Variants in ELMO1 observed in about 807,000 individuals in gnomAD.
ELMO1 encodes the protein engulfment and cell motility 1.
In ELMO1, 26 loss-of-function variants were observed where a neutral mutation model predicts 98.9. The observed-to-expected ratio is 0.26, with a 90% CI of 0.19 to 0.36. The LOEUF (loss-of-function observed/expected upper bound fraction) is 0.36. ELMO1 is among the 10% of genes least tolerant of loss of function. The pLI is 1.00. For synonymous variants in ELMO1, 346 were observed against 346.0 expected (o/e 1.00, Z 0.00); for missense variants, 627 against 935.2 (o/e 0.67, Z 4.30).
rs550678960 is a variant in ELMO1 at position 36,853,440 on chromosome 7, A to G, written c.*2111T>C. Among the ~76,000 whole-genome samples, 12 of 152,284 alleles carry G rather than the reference A, an allele frequency of 7.9e-5. No homozygotes were observed. In the East Asian group the frequency reaches 2.3e-3, roughly 29 times the overall value. ...TCTTGTAACCCATAAGAAAAAAATA[A>G]TATGACTTTGTTTGCTGCCTTTGAC... On this transcript the variant is annotated 3_prime_UTR_variant, in exon 22 of 22. Coordinates refer to ENST00000310758, the MANE Select transcript of ELMO1 (RefSeq NM_014800.11).
At chr7:37,286,724 C>A (rs1283907579) in intron 4 of ELMO1, among the ~76,000 whole-genome samples, 1 of 152,264 alleles carries the variant, frequency 6.6e-6, no homozygotes, top group Middle Eastern at 3.4e-3. Context: ...CATTTGGATC[C>A]CCAGCCTTAG....
chr7:36,887,445 C>A, intron 18 of ELMO1, 115 bp downstream of exon 18: 2 of 872,592 alleles, frequency 2.3e-6, no homozygotes, highest in Non-Finnish European at 3.6e-6. Flanking sequence ...CTATTCCTGT[C>A]CTGAGTACAA....
intron 16 of ELMO1, among the ~76,000 whole-genome samples, chr7:37,007,677 C>T (rs1377737393): frequency 6.6e-6 from 1 of 152,232 alleles, no homozygotes; most frequent in Non-Finnish European, 1.5e-5. Flanking sequence ...GAGAAGCAAA[C>T]ACATTTCCCT....
chr7:36,947,132 C>T (rs532676942), intron 16 of ELMO1, among the ~76,000 whole-genome samples: 3 of 152,316 alleles, frequency 2.0e-5, no homozygotes, highest in Non-Finnish European at 4.4e-5. Context: ...TCCCTCTCTG[C>T]TTTGGGAGTC....
At chr7:36,929,175 T>C (rs1326284706) in intron 16 of ELMO1, among the ~76,000 whole-genome samples, 1 of 152,152 alleles carries the variant, frequency 6.6e-6, no homozygotes, top group Non-Finnish European at 1.5e-5. Flanking sequence ...CAGCTACAGA[T>C]TGGGGTATGG....
intron 4 of ELMO1, among the ~76,000 whole-genome samples, chr7:37,293,032 C>T (rs1159668994): frequency 4.2e-5 from 2 of 47,496 alleles, no homozygotes; most frequent in Non-Finnish European, 4.9e-5. Flanking sequence ...CCGCCCCGTC[C>T]GGGAGGGAGG....
chr7:37,180,812 GCACA>G (rs1008521407), intron 13 of ELMO1, among the ~76,000 whole-genome samples: 22 of 51,072 alleles, frequency 4.3e-4, no homozygotes, highest in Non-Finnish European at 8.4e-4. Flanking sequence ...ACACATATGC[GCACA>G]CACACACACA....
chr7:37,333,035 G>A (rs1408714641), intron 2 of ELMO1, among the ~76,000 whole-genome samples: 2 of 152,152 alleles, frequency 1.3e-5, no homozygotes, highest in Non-Finnish European at 2.9e-5. Flanking sequence ...TGTGGGGATG[G>A]GGGTTAAGCA....
At chr7:37,283,268 G>T (rs1333351754) in intron 4 of ELMO1, among the ~76,000 whole-genome samples, 2 of 152,086 alleles carry the variant, frequency 1.3e-5, no homozygotes, top group Admixed American at 6.5e-5. Context: ...TCGCCTTAAA[G>T]GGACATGCAC....
At chr7:37,186,664 TC>T (rs1012480711) in intron 13 of ELMO1, among the ~76,000 whole-genome samples, 7 of 152,062 alleles carry the variant, frequency 4.6e-5, no homozygotes, top group African/African-American at 1.7e-4. Context: ...AACAGACATT[TC>T]CCCAAAGAAG....
chr7:37,025,652 T>TA (rs1338422260), intron 15 of ELMO1, among the ~76,000 whole-genome samples: 4 of 152,022 alleles, frequency 2.6e-5, no homozygotes, highest in African/African-American at 9.7e-5. Flanking sequence ...GACTGGGAGT[T>TA]ACATGATCAG....
chr7:36,970,707 A>G (rs1170274275), intron 16 of ELMO1, among the ~76,000 whole-genome samples: 1 of 152,236 alleles, frequency 6.6e-6, no homozygotes, highest in African/African-American at 2.4e-5. Flanking sequence ...CTGAAATAAG[A>G]GCACAATAGC....
chr7:37,405,732 G>A (rs1803728992), intron 1 of ELMO1, among the ~76,000 whole-genome samples: 1 of 152,146 alleles, frequency 6.6e-6, no homozygotes, highest in Non-Finnish European at 1.5e-5. Flanking sequence ...GGCTGAATCA[G>A]CCCAGCCAAT....
At chr7:37,128,791 A>C (rs547200684) in intron 14 of ELMO1, among the ~76,000 whole-genome samples, 71 of 152,352 alleles carry the variant, frequency 4.7e-4, no homozygotes, top group East Asian at 4.6e-3. Context: ...AGAAATGATT[A>C]AAAGCCACTA....
chr7:36,921,482 C>A (rs1785150625), intron 16 of ELMO1, among the ~76,000 whole-genome samples: 1 of 152,232 alleles, frequency 6.6e-6, no homozygotes, highest in East Asian at 1.9e-4. Context: ...AGAAACACAG[C>A]AGCAAACACA....
intron 13 of ELMO1, among the ~76,000 whole-genome samples, chr7:37,135,354 T>C (rs10282529): frequency 0.012 from 1,810 of 152,226 alleles, 32 homozygotes; most frequent in African/African-American, 0.042. Context: ...CGCAGGAACA[T>C]ACCAGGAAAG....
chr7:37,098,363 A>G (rs1409283113), intron 14 of ELMO1, among the ~76,000 whole-genome samples: 2 of 152,264 alleles, frequency 1.3e-5, no homozygotes, highest in Admixed American at 6.5e-5. Flanking sequence ...AGAGGTAGTT[A>G]CAGTTTATCG....
chr7:36,872,888 C>T (rs1562786705), intron 19 of ELMO1, among the ~76,000 whole-genome samples: 1 of 152,290 alleles, frequency 6.6e-6, no homozygotes, highest in East Asian at 1.9e-4. Flanking sequence ...GGTCCATGAA[C>T]TAGAGACAGT....
At chr7:36,910,955 T>C (rs1784303156) in intron 16 of ELMO1, among the ~76,000 whole-genome samples, 2 of 152,118 alleles carry the variant, frequency 1.3e-5, no homozygotes, top group Non-Finnish European at 2.9e-5. Flanking sequence ...CTGACTTGAG[T>C]ATTCTGAATA....
Sources: gnomAD v4.1 joint callset for allele counts (sites outside exome capture counted in the v4.1 genomes callset) on GRCh38, gnomAD v4.1.1 for gene constraint, MANE v1.5 for transcripts, NCBI Gene and HGNC (gene_info 2026-07-23, HGNC 2026-07-21) for gene names.